The following IGF1R variants were observed in gnomAD, a reference collection of about 807,000 sequenced individuals.
The protein encoded by IGF1R is insulin-like growth factor 1 receptor.
In IGF1R, 44 loss-of-function variants were observed where a neutral mutation model predicts 144.6. That is an observed-to-expected ratio of 0.30 (90% CI 0.24 to 0.39). IGF1R has a LOEUF of 0.39. Ranked by LOEUF, IGF1R falls within the 10% of genes least tolerant of loss-of-function variation. The pLI is 1.00. For missense variants in IGF1R, 1,355 were observed against 1,833.7 expected, an observed-to-expected ratio of 0.74 and a Z score of 4.77; for synonymous variants, 795 against 722.8, an observed-to-expected ratio of 1.10 and a Z score of -1.60.
At chr15:98,909,201 C>T (rs2014874556) in intron 6 of IGF1R, among the ~76,000 whole-genome samples, 1 of 151,822 alleles carries the variant, frequency 6.6e-6, no homozygotes, top group Admixed American at 6.6e-5. Flanking sequence ...TCCTTTTATA[C>T]ACAGGTGCAC....
At position 98,930,291 on chromosome 15, in the gene IGF1R, TCAGCGCTGCTG is replaced by T; in HGVS notation, c.2943_2953del (p.Phe981LeufsTer6). On this transcript the variant is annotated frameshift_variant, in exon 15 of 21. Coordinates refer to ENST00000650285, the MANE Select transcript of IGF1R (RefSeq NM_000875.5). LOFTEE classifies it high-confidence loss of function. ...TATGCCTCTGTGAACCCGGAGTACT[TCAGCGCTGCTG>T]ATGGTAAGAGTCCGGGCCACCAGCA... 6.2e-7 allele frequency: 1 copy of T among 1,612,260 alleles called. No homozygotes were observed. Among genetic ancestry groups the T allele is most frequent in the East Asian group, 2.2e-5 (1 of 44,880 alleles).
chr15:98,894,230 G>C (rs1332440316), intron 3 of IGF1R, among the ~76,000 whole-genome samples: 3 of 152,150 alleles, frequency 2.0e-5, no homozygotes, highest in African/African-American at 7.2e-5. Context: ...GTGAGCCACT[G>C]TACCCAGCTT....
intron 2 of IGF1R, among the ~76,000 whole-genome samples, chr15:98,801,907 G>A (rs975717905): frequency 1.2e-4 from 18 of 152,162 alleles, no homozygotes; most frequent in Admixed American, 7.9e-4. Context: ...TTTGCTGTCC[G>A]TGTTTTGGTG....
In IGF1R at chr15:98,929,636, T is replaced by A. The variant is rs2015863742; in HGVS notation, c.2861T>A (p.Met954Lys). Reference protein sequence around the residue: ...VLLIVGGLVIMLYVFHRKRNN... With the variant: ...VLLIVGGLVIKLYVFHRKRNN... ...TTGATCGTGGGAGGGTTGGTGATTA[T>A]GCTGTACGTCTTCCATAGAAAGAGG... The change falls in exon 14 of 21, where the codon ATG (methionine) becomes AAG (lysine). Residue 954 changes from methionine to lysine, a missense_variant. Transcript: ENST00000650285. The A allele has an allele frequency of 6.2e-7, 1 of 1,613,756 alleles. No individual in the cohort carries two copies. The highest frequency in any genetic ancestry group is 1.1e-5 in the South Asian group (1 of 91,084).
chr15:98,922,373 G>C lies in IGF1R; in HGVS notation c.2427G>C (p.Glu809Asp). Residue 809 changes from glutamate (E) to aspartate (D), a missense_variant, in exon 11 of 21, where the codon GAG (glutamate) becomes GAC (aspartate). Coordinates refer to ENST00000650285, the MANE Select transcript of IGF1R (RefSeq NM_000875.5). Reference sequence around the variant, plus strand: ...TCGATATCCACAGCTGCAACCACGAGGCTGAGAAGCTGGGCTGCAGCGCCT... The same window carrying C: ...TCGATATCCACAGCTGCAACCACGACGCTGAGAAGCTGGGCTGCAGCGCCT... ...YRIDIHSCNH[E>D]AEKLGCSASN... is the part of the protein sequence containing the mutation. The C allele has an allele frequency of 6.2e-7, 1 of 1,614,116 alleles. No homozygotes were observed. The highest frequency in any genetic ancestry group is 1.1e-5 in the South Asian group (1 of 91,080).
intron 2 of IGF1R, among the ~76,000 whole-genome samples, chr15:98,770,263 C>G (rs932483388): frequency 2.0e-5 from 3 of 152,146 alleles, no homozygotes; most frequent in African/African-American, 4.8e-5. Context: ...ATTGCGTGTT[C>G]TCACGTATAC....
intron 2 of IGF1R, among the ~76,000 whole-genome samples, chr15:98,812,882 G>T (rs552695179): frequency 2.0e-5 from 3 of 152,142 alleles, no homozygotes; most frequent in African/African-American, 7.2e-5. Context: ...GCCTTCACAC[G>T]TGCTGTGAAA....
chr15:98,723,520 A>T (rs1398367325), intron 2 of IGF1R, among the ~76,000 whole-genome samples: 1 of 152,240 alleles, frequency 6.6e-6, no homozygotes, highest in African/African-American at 2.4e-5. Context: ...GCAAAGATAA[A>T]GTAGTGGGAA....
chr15:98,653,384 C>T (rs1464714471), intron 1 of IGF1R, among the ~76,000 whole-genome samples: 2 of 152,142 alleles, frequency 1.3e-5, no homozygotes, highest in Admixed American at 1.3e-4. Flanking sequence ...GTTTTAAACA[C>T]TCATTTTTTG....
chr15:98,880,681 A>G (rs1337180180), intron 2 of IGF1R: 2 of 152,256 alleles, frequency 1.3e-5, no homozygotes, highest in Non-Finnish European at 2.9e-5. Context: ...GACATAGCCT[A>G]TAAGACATCA....
At position 98,739,881 on chromosome 15, in the gene IGF1R, C is replaced by T. The variant is rs59106705; in HGVS notation, c.640+31774C>T. Among the ~76,000 whole-genome samples the T allele has an allele frequency of 8.9e-4, 135 of 152,270 alleles. 2 individuals are homozygous for T. In the East Asian group the frequency reaches 0.024, roughly 27 times the overall value. ...GGCTGGGATTACAGGCCTGAGCCAC[C>T]GCGCCTGGCCTGCTGTAAGAAAATA... On this transcript the variant is annotated intron_variant, in intron 2 of 20. Coordinates refer to ENST00000650285, the MANE Select transcript of IGF1R (RefSeq NM_000875.5).
rs983826724 is a variant in IGF1R at position 98,818,943 on chromosome 15, G to A, written c.641-72382G>A. Among the ~76,000 whole-genome samples, 5 of 152,284 alleles carry A rather than the reference G, an allele frequency of 3.3e-5. No individual in the cohort carries two copies. In the East Asian group the frequency reaches 9.7e-4, roughly 29 times the overall value. The stretch of plus-strand genomic sequence containing the variant: ...TGAAGGGAATGGAGACTGGGAGAGT[G>A]AAAGATACCTCTGAGACATTTTGGC... On this transcript the variant is annotated intron_variant, in intron 2 of 20. Transcript: ENST00000650285.
intron 1 of IGF1R, among the ~76,000 whole-genome samples, chr15:98,670,422 G>A (rs2052858185): frequency 1.3e-5 from 2 of 152,138 alleles, no homozygotes; most frequent in Non-Finnish European, 2.9e-5. Context: ...GTTGTAGTGG[G>A]GGATGAGGCT....
intron 2 of IGF1R, among the ~76,000 whole-genome samples, chr15:98,823,034 C>A (rs1423864604): frequency 6.6e-6 from 1 of 152,226 alleles, no homozygotes; most frequent in Non-Finnish European, 1.5e-5. Flanking sequence ...CAAAGCTTAG[C>A]AGCCACCTTT....
At position 98,649,129 on chromosome 15, in the gene IGF1R, C is replaced by G. The variant is rs1169664373; in HGVS notation, c.-453C>G. 1.8e-5 allele frequency: 4 copies of G among 218,574 alleles called. No homozygotes were observed. Among genetic ancestry groups the G allele is most frequent in the Non-Finnish European group, 3.7e-5 (4 of 108,932 alleles). 13.5% of individuals were successfully genotyped at this position (218,574 alleles called of 1,614,324 possible). ...TGACCCGGACTTCGGGGCGATCTTG[C>G]GAACTGCGTCGCGCCCTCCCGCGGC... On this transcript the variant is annotated 5_prime_UTR_variant, in exon 1 of 21. Transcript: ENST00000650285.
At chr15:98,875,539 G>A (rs527472746) in intron 2 of IGF1R, among the ~76,000 whole-genome samples, 1 of 151,402 alleles carries the variant, frequency 6.6e-6, no homozygotes, top group East Asian at 1.9e-4. Flanking sequence ...GCAGTTATGT[G>A]TATGAACTTT....
chr15:98,741,201 T>G (rs2141315375), intron 2 of IGF1R, among the ~76,000 whole-genome samples: 1 of 151,748 alleles, frequency 6.6e-6, no homozygotes, highest in South Asian at 2.1e-4. Flanking sequence ...TCCATTGCAG[T>G]TCTGTTGATA....
chr15:98,695,413 T>C (rs1015920217), intron 1 of IGF1R, among the ~76,000 whole-genome samples: 1 of 152,196 alleles, frequency 6.6e-6, no homozygotes, highest in Non-Finnish European at 1.5e-5. Flanking sequence ...TTCAATCATA[T>C]GCACCTGGCT....
In IGF1R at chr15:98,960,017, G is replaced by A. The variant is rs1256128669; in HGVS notation, c.*2575G>A. ...GGGTGTGTGTGTGTGAGAGTGATGGGACAGTTCTTGATTTTTTGGGTTTTT... is the reference window on the plus strand; with the variant it reads ...GGGTGTGTGTGTGTGAGAGTGATGGAACAGTTCTTGATTTTTTGGGTTTTT... On this transcript the variant is annotated 3_prime_UTR_variant, in exon 21 of 21. Transcript: ENST00000650285. 4 of 233,262 alleles carry A rather than the reference G, an allele frequency of 1.7e-5. No individual in the cohort carries two copies. Among genetic ancestry groups the A allele is most frequent in the African/African-American group, 8.8e-5 (4 of 45,268 alleles). The allele number at this position is 233,262 out of a possible 1,614,324, so 14.4% of individuals were successfully genotyped here.
Sources: gnomAD v4.1 joint callset for allele counts (sites outside exome capture counted in the v4.1 genomes callset) on GRCh38, gnomAD v4.1.1 for gene constraint, MANE v1.5 for transcripts, NCBI Gene and HGNC (gene_info 2026-07-23, HGNC 2026-07-21) for gene names.